SLC39A9: variants seen among roughly 807,000 people sequenced by gnomAD.
SLC39A9 encodes the protein zinc transporter ZIP9.
SLC39A9 carries 14 observed loss-of-function variants against 28.4 expected under a neutral mutation model. The observed-to-expected ratio is 0.49, with a 90% CI of 0.33 to 0.77. The LOEUF (loss-of-function observed/expected upper bound fraction) is 0.77, where lower values mean the gene tolerates loss of function less well. Ranked by LOEUF, SLC39A9 falls within the 30% of genes least tolerant of loss-of-function variation. SLC39A9 has a pLI of 0.02. For missense variants in SLC39A9, 283 were observed against 381.1 expected (o/e 0.74, Z 2.14); for synonymous variants, 119 against 149.6 (o/e 0.80, Z 1.49).
At chr14:69,434,183 A>C (rs1426730576) in intron 2 of SLC39A9, among the ~76,000 whole-genome samples, 2 of 150,308 alleles carry the variant, frequency 1.3e-5, no homozygotes, top group East Asian at 3.9e-4. Context: ...TTCCGGGTTC[A>C]AGCAATTCTC....
intron 1 of SLC39A9, among the ~76,000 whole-genome samples, chr14:69,423,752 G>T (rs961271376): frequency 9.2e-5 from 14 of 152,046 alleles, no homozygotes; most frequent in Admixed American, 2.0e-4. Context: ...ACAAAAATTA[G>T]CCAGATGTGG....
chr14:69,460,955 G>A lies in SLC39A9; in HGVS notation c.*2362G>A, dbSNP rs2139466935. The A allele has an allele frequency of 5.1e-6, 5 of 985,634 alleles. No individual in the cohort carries two copies. The highest frequency in any genetic ancestry group is 6.0e-6 in the Non-Finnish European group (5 of 830,092). 61.1% of individuals were successfully genotyped at this position (985,634 alleles called of 1,614,324 possible). On this transcript the variant is annotated 3_prime_UTR_variant, in exon 7 of 7. Transcript: ENST00000336643. ...CGTGGCACAGGCCTTCTTGACTGGA[G>A]GAAGAGCTTGCTGGCATGGTGGGCA...
At chr14:69,444,820 C>A (rs1885217454) in intron 3 of SLC39A9, among the ~76,000 whole-genome samples, 1 of 151,990 alleles carries the variant, frequency 6.6e-6, no homozygotes, top group South Asian at 2.1e-4. Context: ...AATAAAGATT[C>A]AGGCAGAGCG....
intron 4 of SLC39A9, 48 bp downstream of exon 4, chr14:69,453,357 G>T (rs763086633): frequency 6.5e-7 from 1 of 1,550,044 alleles, no homozygotes; most frequent in Non-Finnish European, 8.9e-7. Context: ...TCGCACAGGG[G>T]AGACCTTAGT....
chr14:69,454,771 G>A, intron 4 of SLC39A9, 41 bp from the exon 5 acceptor site: 1 of 1,526,046 alleles, frequency 6.6e-7, no homozygotes, highest in Non-Finnish European at 9.1e-7. Context: ...TATTGTTGTT[G>A]TTGTTTATAG....
chr14:69,459,960 C>T lies in SLC39A9; in HGVS notation c.*1367C>T, dbSNP rs960781111. ...TGTTGAGCCCTTAAAATACCACCTC[C>T]TCATGTGTAAATTGACACAATCACT... On this transcript the variant is annotated 3_prime_UTR_variant, in exon 7 of 7. Transcript: ENST00000336643. The T allele has an allele frequency of 1.0e-5, 10 of 985,392 alleles. No homozygotes were observed. The highest frequency in any genetic ancestry group is 1.2e-5 in the Non-Finnish European group (10 of 829,704). The allele number at this position is 985,392 out of a possible 1,614,324, so 61.0% of individuals were successfully genotyped here.
At chr14:69,416,202 A>G (rs1011442421) in intron 1 of SLC39A9, among the ~76,000 whole-genome samples, 3 of 151,930 alleles carry the variant, frequency 2.0e-5, no homozygotes, top group Non-Finnish European at 2.9e-5. Flanking sequence ...GTTCCCACCT[A>G]TGAGTGAGAA....
intron 2 of SLC39A9, among the ~76,000 whole-genome samples, chr14:69,429,813 A>G (rs1884398708): frequency 6.6e-6 from 1 of 152,232 alleles, no homozygotes; most frequent in Non-Finnish European, 1.5e-5. Flanking sequence ...AATATTTTGC[A>G]TTCTCATCAA....
chr14:69,428,033 C>T lies in SLC39A9; in HGVS notation c.205+3831C>T, dbSNP rs1027370104. Among the ~76,000 whole-genome samples the T allele has an allele frequency of 8.5e-5, 13 of 152,330 alleles. No individual in the cohort carries two copies. The South Asian group carries it at 1.7e-3, about 19-fold the overall frequency. ...TGGTGGCTCACGCCTATAATCCCAG[C>T]ACTTTGGGAGTCAAGGCGGGTGGAT... is the stretch of plus-strand genomic sequence containing the variant. On this transcript the variant is annotated intron_variant, in intron 2 of 6. Transcript: ENST00000336643.
chr14:69,406,494 T>G (rs1423338889), intron 1 of SLC39A9, among the ~76,000 whole-genome samples: 5 of 152,152 alleles, frequency 3.3e-5, no homozygotes, highest in Non-Finnish European at 1.5e-5. Flanking sequence ...ATGAGACTTT[T>G]GTTGAATGAT....
intron 1 of SLC39A9, among the ~76,000 whole-genome samples, chr14:69,421,888 G>A (rs1386327593): frequency 7.9e-5 from 12 of 152,182 alleles, no homozygotes; most frequent in Non-Finnish European, 1.6e-4. Context: ...GCAATGTCCC[G>A]ATTTTCCAGG....
intron 3 of SLC39A9, among the ~76,000 whole-genome samples, chr14:69,447,176 A>G (rs924716190): frequency 6.6e-6 from 1 of 152,218 alleles, no homozygotes; most frequent in African/African-American, 2.4e-5. Context: ...TGAAGAAATC[A>G]GATGATACCT....
intron 1 of SLC39A9, among the ~76,000 whole-genome samples, chr14:69,408,517 A>G (rs1021044313): frequency 6.6e-6 from 1 of 152,152 alleles, no homozygotes; most frequent in Non-Finnish European, 1.5e-5. Flanking sequence ...AGTGCCTGGG[A>G]GTCATTAGGG....
intron 1 of SLC39A9, among the ~76,000 whole-genome samples, chr14:69,416,779 A>G (rs1314578710): frequency 6.6e-6 from 1 of 152,174 alleles, no homozygotes; most frequent in East Asian, 1.9e-4. Flanking sequence ...TCTTTTGAGA[A>G]ATGTCTGTTC....
chr14:69,444,961 C>G (rs1272018994), intron 3 of SLC39A9, among the ~76,000 whole-genome samples: 1 of 151,760 alleles, frequency 6.6e-6, no homozygotes, highest in African/African-American at 2.4e-5. Flanking sequence ...ATGCGAAACC[C>G]TGTCGCTCTA....
intron 5 of SLC39A9, 70 bp downstream of exon 5, chr14:69,454,967 T>C: frequency 8.6e-7 from 1 of 1,167,898 alleles, no homozygotes; most frequent in Non-Finnish European, 1.3e-6. Context: ...TGGTCCTTAA[T>C]GTTTTTCCTG....
At chr14:69,440,482 G>C (rs1884991182) in intron 2 of SLC39A9, among the ~76,000 whole-genome samples, 1 of 152,056 alleles carries the variant, frequency 6.6e-6, no homozygotes, top group African/African-American at 2.4e-5. Flanking sequence ...ATTCTTGGGG[G>C]ACTGAGGTAG....
intron 3 of SLC39A9, among the ~76,000 whole-genome samples, chr14:69,444,380 C>T (rs749923507): frequency 7.2e-5 from 11 of 152,052 alleles, no homozygotes; most frequent in African/African-American, 1.2e-4. Context: ...AACAGATAAT[C>T]GCAATAAGAT....
chr14:69,441,393 G>C (rs1594938920), intron 2 of SLC39A9, among the ~76,000 whole-genome samples: 1 of 152,268 alleles, frequency 6.6e-6, no homozygotes, highest in South Asian at 2.1e-4. Context: ...GCCTTTTGAA[G>C]CATTTATGTT....
Sources: gnomAD v4.1 joint callset for allele counts (sites outside exome capture counted in the v4.1 genomes callset) on GRCh38, gnomAD v4.1.1 for gene constraint, MANE v1.5 for transcripts, NCBI Gene and HGNC (gene_info 2026-07-23, HGNC 2026-07-21) for gene names.